The following FAM185A variants were observed in gnomAD, a reference collection of about 807,000 sequenced individuals.
FAM185A encodes the protein protein FAM185A.
In FAM185A, 21 loss-of-function variants were observed where a neutral mutation model predicts 45.7. That is an observed-to-expected ratio of 0.46 (90% confidence interval 0.33 to 0.66). FAM185A has a LOEUF of 0.66. Ranked by LOEUF, FAM185A falls within the 30% of genes least tolerant of loss-of-function variation. The pLI, the probability that FAM185A is intolerant of heterozygous loss-of-function variation, is 0.03. For missense variants in FAM185A, 305 were observed against 485.4 expected, an observed-to-expected ratio of 0.63 and a Z score of 3.49; for synonymous variants, 117 against 194.0, an observed-to-expected ratio of 0.60 and a Z score of 3.30.
the FAM185A span, among the ~76,000 whole-genome samples, chr7:102,831,355 T>C: frequency 6.7e-6 from 1 of 149,874 alleles, no homozygotes; most frequent in Non-Finnish European, 1.5e-5. Context: ...ATATAGTGAG[T>C]AGAGGGCAGG....
At chr7:102,795,093 T>C (rs972606207) in intron 7 of FAM185A, among the ~76,000 whole-genome samples, 3 of 152,188 alleles carry the variant, frequency 2.0e-5, no homozygotes, top group African/African-American at 7.2e-5. Context: ...GATGGTTATA[T>C]ATGAATCTAT....
At chr7:102,848,685 A>T in the FAM185A span, among the ~76,000 whole-genome samples, 1 of 151,662 alleles carries the variant, frequency 6.6e-6, no homozygotes, top group Non-Finnish European at 1.5e-5. Flanking sequence ...AATGCAAACC[A>T]GATTAAGAGT....
At chr7:102,760,090 C>T (rs1794018660) in intron 3 of FAM185A, among the ~76,000 whole-genome samples, 1 of 152,102 alleles carries the variant, frequency 6.6e-6, no homozygotes, top group African/African-American at 2.4e-5. Flanking sequence ...GCAGAGAACA[C>T]AGAAACCCAT....
At chr7:102,823,222 C>T in the FAM185A span, among the ~76,000 whole-genome samples, 2 of 152,168 alleles carry the variant, frequency 1.3e-5, no homozygotes, top group Admixed American at 1.3e-4. Flanking sequence ...TGGGATTTGG[C>T]TTTAAATTTA....
intron 4 of FAM185A, among the ~76,000 whole-genome samples, chr7:102,767,166 G>A (rs1426154795): frequency 2.1e-5 from 3 of 144,868 alleles, no homozygotes; most frequent in African/African-American, 2.6e-5. Flanking sequence ...AAACCATGTA[G>A]GTTTTTCAGG....
the FAM185A span, among the ~76,000 whole-genome samples, chr7:102,838,273 T>C: frequency 0.012 from 1,850 of 152,178 alleles, 38 homozygotes; most frequent in African/African-American, 0.042. Context: ...ATATGAGGAG[T>C]AGCACCTACT....
chr7:102,841,673 A>T, the FAM185A span, among the ~76,000 whole-genome samples: 1 of 152,198 alleles, frequency 6.6e-6, no homozygotes, highest in African/African-American at 2.4e-5. Flanking sequence ...TTAGAAACAC[A>T]CTAGTGTCAG....
chr7:102,793,889 A>G (rs1796284884), intron 7 of FAM185A, among the ~76,000 whole-genome samples: 7 of 151,946 alleles, frequency 4.6e-5, no homozygotes, highest in Admixed American at 4.6e-4. Flanking sequence ...ACATACAAAA[A>G]TTAGCTGGGC....
At chr7:102,824,077 C>T in the FAM185A span, among the ~76,000 whole-genome samples, 2 of 152,172 alleles carry the variant, frequency 1.3e-5, no homozygotes, top group Middle Eastern at 3.2e-3. Context: ...GAAAAGGAGC[C>T]TGACAGTTCC....
chr7:102,799,427 A>G (rs1312065249), intron 7 of FAM185A, among the ~76,000 whole-genome samples: 5 of 152,244 alleles, frequency 3.3e-5, no homozygotes, highest in Admixed American at 1.3e-4. Flanking sequence ...TCAGAGAATA[A>G]TTTGCATCAG....
the FAM185A span, among the ~76,000 whole-genome samples, chr7:102,835,827 T>A: frequency 6.6e-6 from 1 of 151,750 alleles, no homozygotes; most frequent in Non-Finnish European, 1.5e-5. Context: ...GCCGGGATGG[T>A]CTCGATCTCC....
chr7:102,838,146 A>G, the FAM185A span, among the ~76,000 whole-genome samples: 1 of 152,174 alleles, frequency 6.6e-6, no homozygotes, highest in Non-Finnish European at 1.5e-5. Flanking sequence ...CTGGGGGCCC[A>G]CTGGCTTGAG....
the FAM185A span, among the ~76,000 whole-genome samples, chr7:102,830,282 C>T: frequency 6.6e-6 from 1 of 152,192 alleles, no homozygotes; most frequent in Admixed American, 6.5e-5. Flanking sequence ...TTTTCTCATT[C>T]TCCTACTTTC....
intron 7 of FAM185A, among the ~76,000 whole-genome samples, chr7:102,789,998 T>G (rs1322847461): frequency 6.6e-6 from 1 of 152,212 alleles, no homozygotes. Flanking sequence ...ATAACACACG[T>G]GGAGCTGTCA....
At chr7:102,765,455 A>C (rs1794330242) in intron 4 of FAM185A, among the ~76,000 whole-genome samples, 1 of 151,918 alleles carries the variant, frequency 6.6e-6, no homozygotes, top group African/African-American at 2.4e-5. Flanking sequence ...AAGAGCATGA[A>C]ATTTATTTTT....
the FAM185A span, among the ~76,000 whole-genome samples, chr7:102,844,766 G>A: frequency 6.6e-6 from 1 of 152,154 alleles, no homozygotes; most frequent in African/African-American, 2.4e-5. Flanking sequence ...CCCAATCCCA[G>A]TAGATTTCAG....
chr7:102,784,534 C>G (rs201425553), intron 6 of FAM185A, among the ~76,000 whole-genome samples: 1 of 152,048 alleles, frequency 6.6e-6, no homozygotes, highest in East Asian at 1.9e-4. Context: ...TCAACATATG[C>G]AAATCAATAA....
intron 2 of FAM185A, among the ~76,000 whole-genome samples, chr7:102,756,109 G>A (rs1304700810): frequency 6.6e-6 from 1 of 151,242 alleles, no homozygotes; most frequent in South Asian, 2.1e-4. Context: ...AGTTAACCAT[G>A]CTATAGTACA....
chr7:102,806,862 ACTGAGCTTCTGAG>A (rs1562882396), intron 7 of FAM185A, among the ~76,000 whole-genome samples: 1 of 152,074 alleles, frequency 6.6e-6, no homozygotes, highest in African/African-American at 2.4e-5. Flanking sequence ...AGTGGAGGAG[ACTGAGCTTCTGAG>A]CTGAGCTTCT....
Sources: allele counts gnomAD v4.1 joint callset (sites outside exome capture counted in the v4.1 genomes callset), GRCh38; gene constraint gnomAD v4.1.1; transcripts MANE v1.5; gene names NCBI Gene and HGNC (gene_info 2026-07-23, HGNC 2026-07-21).